The following SAMD8 variants were observed in gnomAD, a reference collection of about 807,000 sequenced individuals.
SAMD8 encodes sphingomyelin synthase-related protein 1.
In SAMD8, 20 loss-of-function variants were observed where a neutral mutation model predicts 42.0. That is an observed-to-expected ratio of 0.48 (90% CI 0.34 to 0.69). The LOEUF is 0.69. Ranked by LOEUF, SAMD8 falls within the 30% of genes least tolerant of loss-of-function variation. The pLI, the probability that SAMD8 is intolerant of heterozygous loss-of-function variation, is 0.01. For missense variants in SAMD8, 328 were observed against 511.6 expected (o/e 0.64, Z 3.46); for synonymous variants, 162 against 173.0 (o/e 0.94, Z 0.50).
chr10:75,146,721 T>G (rs943764391), intron 1 of SAMD8, among the ~76,000 whole-genome samples: 9 of 152,240 alleles, frequency 5.9e-5, no homozygotes, highest in Non-Finnish European at 1.0e-4. Flanking sequence ...TAATTATTGA[T>G]AAAAGCTGAA....
intron 1 of SAMD8, among the ~76,000 whole-genome samples, chr10:75,150,144 C>A (rs1319701746): frequency 6.6e-6 from 1 of 151,300 alleles, no homozygotes; most frequent in African/African-American, 2.4e-5. Context: ...GACGATCTCC[C>A]TCTGTTGCCC....
chr10:75,112,281 C>T (rs1300507120), intron 1 of SAMD8, among the ~76,000 whole-genome samples: 1 of 152,130 alleles, frequency 6.6e-6, no homozygotes, highest in Non-Finnish European at 1.5e-5. Flanking sequence ...AGGAGGAGGG[C>T]TGTTGGATGG....
At position 75,179,020 on chromosome 10, in the gene SAMD8, C is replaced by G. The variant is rs1049076456; in HGVS notation, c.*2328C>G. The G allele has an allele frequency of 2.0e-5, 3 of 152,522 alleles. No homozygotes were observed. Among genetic ancestry groups the G allele is most frequent in the Non-Finnish European group, 2.9e-5 (2 of 68,454 alleles). The allele number at this position is 152,522 out of a possible 1,614,324, so 9.4% of individuals were successfully genotyped here. ...CTCCAGCCTAGGTGACAGAGTGAGA[C>G]TCCATCTCAAAACGAAACAAAACAA... On this transcript the variant is annotated 3_prime_UTR_variant, in exon 6 of 6. Transcript: ENST00000542569.
At chr10:75,108,993 G>T (rs1242555954), upstream of SAMD8, 1 of 1,588,480 alleles carries the variant, frequency 6.3e-7, no homozygotes, top group East Asian at 2.3e-5. Context: ...ATGCCCCTTG[G>T]CCAGCTACCA....
At chr10:75,173,669 G>A (rs1194790765) in intron 4 of SAMD8, among the ~76,000 whole-genome samples, 2 of 152,092 alleles carry the variant, frequency 1.3e-5, no homozygotes, top group Non-Finnish European at 2.9e-5. Context: ...AAACCCATGT[G>A]TATTATCTTT....
chr10:75,174,981 C>A (rs540413315), intron 4 of SAMD8, among the ~76,000 whole-genome samples: 1 of 152,250 alleles, frequency 6.6e-6, no homozygotes, highest in African/African-American at 2.4e-5. Flanking sequence ...TCCAAAAAAA[C>A]CCCATAATTC....
chr10:75,169,802 G>A lies in SAMD8; in HGVS notation c.792+1144G>A, dbSNP rs146867932. ...CGGGCACCTGTAATCCCAGGTACTCGGAAGGCTGAGGCATGAGAGTCACTT... is the reference window on the plus strand; with the variant it reads ...CGGGCACCTGTAATCCCAGGTACTCAGAAGGCTGAGGCATGAGAGTCACTT... On this transcript the variant is annotated intron_variant, in intron 4 of 5. Transcript: ENST00000542569. 2.0e-3 allele frequency among the ~76,000 whole-genome samples: 306 copies of A among 152,092 alleles called. 1 individual carries two copies. The highest frequency in any genetic ancestry group is 3.7e-3 in the Non-Finnish European group (254 of 67,992).
At chr10:75,152,128 A>G (rs186642982) in intron 2 of SAMD8, among the ~76,000 whole-genome samples, 1 of 151,852 alleles carries the variant, frequency 6.6e-6, no homozygotes, top group African/African-American at 2.4e-5. Context: ...CACCAAATGA[A>G]TTGGAACTAT....
In SAMD8 at chr10:75,176,279, AG is replaced by A. The variant is rs1294710007; in HGVS notation, c.943+66del. ...ACTAGCTGCAGTGAAGGCTGTGGGAAGGGTGTCAGATCCTGTGAAGAATGGC... is the reference window on the plus strand; with the variant it reads ...ACTAGCTGCAGTGAAGGCTGTGGGAAGGTGTCAGATCCTGTGAAGAATGGC... On this transcript the variant is annotated intron_variant, in intron 5 of 5. Transcript: ENST00000542569. The surrounding 1 kb of genome is among the most constrained non-coding windows in gnomAD (Gnocchi z 4.3). The A allele has an allele frequency of 2.5e-6, 4 of 1,612,890 alleles. No individual in the cohort carries two copies. The highest frequency in any genetic ancestry group is 1.7e-5 in the Admixed American group (1 of 59,964).
intron 1 of SAMD8, among the ~76,000 whole-genome samples, chr10:75,102,742 C>T (rs1450187867): frequency 2.0e-5 from 3 of 152,254 alleles, no homozygotes; most frequent in Non-Finnish European, 2.9e-5. Flanking sequence ...CACCTGAGGT[C>T]GGGAGTTCGA....
intron 1 of SAMD8, among the ~76,000 whole-genome samples, chr10:75,141,931 C>CTT (rs906400266): frequency 2.0e-5 from 3 of 148,400 alleles, no homozygotes; most frequent in Non-Finnish European, 3.0e-5. Flanking sequence ...TGCCTTGCAT[C>CTT]TTTTTTTTTT....
rs556373312 is a variant in SAMD8 at position 75,161,318 on chromosome 10, G to A, written c.579-3327G>A. Among the ~76,000 whole-genome samples the A allele has an allele frequency of 1.1e-4, 17 of 152,220 alleles. No homozygotes were observed. The South Asian group carries it at 3.5e-3, about 32-fold the overall frequency. ...CTCCTACCCAACCCCAGCCTTCCAA[G>A]AAGGGTAAGATTCCTTTCCTTGGAA... On this transcript the variant is annotated intron_variant, in intron 2 of 5. Coordinates refer to ENST00000542569, the MANE Select transcript of SAMD8 (RefSeq NM_001174156.2).
intron 3 of SAMD8, among the ~76,000 whole-genome samples, chr10:75,167,994 G>A (rs2132205559): frequency 6.6e-6 from 1 of 152,020 alleles, no homozygotes; most frequent in South Asian, 2.1e-4. Flanking sequence ...CTTTCTTTTA[G>A]CCATATTTTC....
At chr10:75,148,149 A>G (rs1275234389) in intron 1 of SAMD8, among the ~76,000 whole-genome samples, 5 of 152,158 alleles carry the variant, frequency 3.3e-5, no homozygotes, top group African/African-American at 7.2e-5. Flanking sequence ...TAATAAAGAA[A>G]TAAATACTTA....
At chr10:75,159,969 A>G (rs1330518577) in intron 2 of SAMD8, among the ~76,000 whole-genome samples, 2 of 152,220 alleles carry the variant, frequency 1.3e-5, no homozygotes, top group African/African-American at 4.8e-5. Context: ...TTAGAAGAAG[A>G]TAGGAATGTT....
At chr10:75,141,613 C>T (rs1840017989) in intron 1 of SAMD8, among the ~76,000 whole-genome samples, 1 of 150,650 alleles carries the variant, frequency 6.6e-6, no homozygotes, top group Admixed American at 6.6e-5. Flanking sequence ...GCGATCTCCG[C>T]TCACTGCAAG....
intron 1 of SAMD8, among the ~76,000 whole-genome samples, chr10:75,115,659 C>G (rs911592984): frequency 1.3e-5 from 2 of 152,138 alleles, no homozygotes; most frequent in Admixed American, 6.5e-5. Context: ...ATGTAACATA[C>G]TGCGGGCACG....
chr10:75,159,885 A>G (rs141704769), intron 2 of SAMD8, among the ~76,000 whole-genome samples: 2 of 152,262 alleles, frequency 1.3e-5, no homozygotes, highest in Non-Finnish European at 2.9e-5. Context: ...TTTCACACTG[A>G]TGTTTGTTTC....
intron 1 of SAMD8, among the ~76,000 whole-genome samples, chr10:75,132,800 G>C (rs12250290): frequency 0.014 from 2,099 of 151,910 alleles, 53 homozygotes; most frequent in African/African-American, 0.048. Flanking sequence ...ACCAGCCTGG[G>C]CATCCTAGGG....
Sources: gnomAD v4.1 joint callset for allele counts (sites outside exome capture counted in the v4.1 genomes callset) on GRCh38, gnomAD v4.1.1 for gene constraint, Gnocchi (gnomAD v3.1) non-coding constraint, MANE v1.5 for transcripts, NCBI Gene and HGNC (gene_info 2026-07-23, HGNC 2026-07-21) for gene names.